The following PTPRB variants were observed in gnomAD, a reference collection of about 807,000 sequenced individuals.
PTPRB encodes protein tyrosine phosphatase receptor type B.
Under a neutral mutation model 238.1 loss-of-function variants are expected in PTPRB, and 97 were observed. The ratio of observed to expected loss-of-function variants is 0.41; its 90% confidence interval spans 0.35 to 0.48. PTPRB has a LOEUF of 0.48. Among genes scored for constraint, PTPRB ranks in the 20% least tolerant of loss-of-function variants. The pLI is 0.30. For missense variants in PTPRB, 2,292 were observed against 2,681.9 expected (o/e 0.85, Z 3.21); for synonymous variants, 970 against 995.4 (o/e 0.97, Z 0.48).
chr12:70,579,352 T>C (rs1881118843), intron 10 of PTPRB, among the ~76,000 whole-genome samples: 1 of 151,962 alleles, frequency 6.6e-6, no homozygotes, highest in African/African-American at 2.4e-5. Context: ...GCTACACCAA[T>C]GGATGGTGCC....
At chr12:70,573,533 A>G (rs1372676550) in intron 11 of PTPRB, among the ~76,000 whole-genome samples, 26 of 136,734 alleles carry the variant, frequency 1.9e-4, no homozygotes, top group African/African-American at 6.7e-4. Context: ...TTGAGACAGA[A>G]TCTCACTCTC....
Position 70,524,457 on chromosome 12 carries a change from A to G in PTPRB, c.6625+14T>C. On this transcript the variant is annotated intron_variant, in intron 33 of 33. Transcript: ENST00000334414. Reference sequence around the variant, plus strand: ...ATGAAGAAACTTGGGGAAGTAAGTGAAGTAAGTGCCCACCTCTGTGATACT... The same window carrying G: ...ATGAAGAAACTTGGGGAAGTAAGTGGAGTAAGTGCCCACCTCTGTGATACT... 1.3e-6 allele frequency: 2 copies of G among 1,589,630 alleles called. No individual in the cohort carries two copies. The highest frequency in any genetic ancestry group is 4.5e-5 in the East Asian group (2 of 44,104).
intron 1 of PTPRB, 118 bp downstream of exon 1, chr12:70,637,223 G>T (rs1885746005): frequency 1.5e-5 from 13 of 841,738 alleles, no homozygotes; most frequent in Middle Eastern, 3.0e-4. Flanking sequence ...CATCGTCTTT[G>T]GCTAAACTGC....
At chr12:70,527,647 A>C (rs931061104) in intron 32 of PTPRB, 2 of 152,168 alleles carry the variant, frequency 1.3e-5, no homozygotes, top group African/African-American at 4.8e-5. Flanking sequence ...ACACTCACAA[A>C]TCCCCTGACC....
chr12:70,557,437 C>T (rs1877865281), intron 18 of PTPRB, among the ~76,000 whole-genome samples: 2 of 152,310 alleles, frequency 1.3e-5, no homozygotes, highest in Admixed American at 6.5e-5. Flanking sequence ...CATAATCATT[C>T]CTCATGAAAC....
intron 4 of PTPRB, among the ~76,000 whole-genome samples, chr12:70,597,848 A>G (rs1883162952): frequency 6.6e-6 from 1 of 152,246 alleles, no homozygotes; most frequent in Non-Finnish European, 1.5e-5. Flanking sequence ...ACAACTCATA[A>G]GACTATGTAT....
intron 5 of PTPRB, 47 bp from the exon 6 acceptor site, chr12:70,594,771 T>C: frequency 1.3e-6 from 2 of 1,593,038 alleles, no homozygotes; most frequent in Non-Finnish European, 8.6e-7. Context: ...AATTCCCTTA[T>C]AGGAGACATA....
At chr12:70,629,706 T>A (rs983533056) in intron 2 of PTPRB, among the ~76,000 whole-genome samples, 21 of 151,914 alleles carry the variant, frequency 1.4e-4, no homozygotes, top group Non-Finnish European at 2.2e-4. Flanking sequence ...CTAACAAGAC[T>A]AATAAAGAAG....
intron 3 of PTPRB, among the ~76,000 whole-genome samples, chr12:70,618,087 C>CTTGTTTGTTTTTTGT (rs1039955017): frequency 6.6e-6 from 1 of 151,918 alleles, no homozygotes; most frequent in African/African-American, 2.4e-5. Flanking sequence ...AGCCAGTGTT[C>CTTGTTTGTTTTTTGT]TTGTTTGTTT....
chr12:70,531,425 C>T (rs945944300), intron 32 of PTPRB, among the ~76,000 whole-genome samples: 1 of 152,006 alleles, frequency 6.6e-6, no homozygotes, highest in Non-Finnish European at 1.5e-5. Flanking sequence ...TGCTTGGTCT[C>T]TATTGAGGAA....
In PTPRB at chr12:70,635,795, G is replaced by A. The variant is rs780645300; in HGVS notation, c.327C>T (p.Leu109=). Residue 109 remains leucine, a synonymous_variant, in exon 2 of 34, where the codon CTC becomes CTT. Transcript: ENST00000334414. ...CTCTGGAGCCTTGTTTCTGGAGAAA[G>A]AGAGAGGCATTTTCCACCTCAAGGA... is the stretch of plus-strand genomic sequence containing the variant. ...EGFLEVENAS[L]FLQKQGSRVV... 1.6e-5 allele frequency: 26 copies of A among 1,613,624 alleles called. No homozygotes were observed. In the East Asian group the frequency reaches 3.8e-4, roughly 24 times the overall value.
chr12:70,530,274 AGATGT>A (rs1467309596), intron 32 of PTPRB, among the ~76,000 whole-genome samples: 2 of 152,178 alleles, frequency 1.3e-5, no homozygotes, highest in African/African-American at 4.8e-5. Context: ...AGAAAGACAT[AGATGT>A]GATAATGACA....
intron 21 of PTPRB, 148 bp from the exon 22 acceptor site, chr12:70,544,811 G>T: frequency 4.0e-6 from 2 of 502,902 alleles, no homozygotes; most frequent in Non-Finnish European, 6.9e-6. Context: ...CTGGGTTCAT[G>T]CATTCATTCA....
intron 33 of PTPRB, among the ~76,000 whole-genome samples, chr12:70,522,943 A>G (rs1227482237): frequency 2.1e-5 from 3 of 144,466 alleles, no homozygotes; most frequent in Non-Finnish European, 4.5e-5. Context: ...GCTCACTGCA[A>G]CCTTCGCCTC....
At chr12:70,583,305 C>G (rs1592532325) in intron 9 of PTPRB, among the ~76,000 whole-genome samples, 1 of 152,068 alleles carries the variant, frequency 6.6e-6, no homozygotes, top group Non-Finnish European at 1.5e-5. Flanking sequence ...CTAATAAACA[C>G]AACTATACAT....
chr12:70,553,134 C>A, intron 20 of PTPRB, 114 bp from the exon 21 acceptor site: 1 of 1,247,276 alleles, frequency 8.0e-7, no homozygotes, highest in Non-Finnish European at 1.1e-6. Flanking sequence ...TGGCCATTTC[C>A]AAAGTACAGA....
At chr12:70,576,673 G>GA (rs975826106) in intron 10 of PTPRB, 28 bp from the exon 11 acceptor site, 1 of 273,386 alleles carries the variant, frequency 3.7e-6, no homozygotes, top group African/African-American at 3.2e-5. Context: ...GGGGGGCGGG[G>GA]GGGGGGGGGA....
intron 11 of PTPRB, among the ~76,000 whole-genome samples, chr12:70,574,956 T>C (rs975492718): frequency 6.6e-6 from 1 of 152,204 alleles, no homozygotes; most frequent in African/African-American, 2.4e-5. Flanking sequence ...AAGGGGTTGG[T>C]AGTTAGGTAA....
chr12:70,522,066 A>G (rs1462048336), intron 33 of PTPRB, among the ~76,000 whole-genome samples: 1 of 152,178 alleles, frequency 6.6e-6, no homozygotes. Context: ...TAATTATCTG[A>G]TTTACAAAGG....
Sources: allele counts gnomAD v4.1 joint callset (sites outside exome capture counted in the v4.1 genomes callset), GRCh38; gene constraint gnomAD v4.1.1; transcripts MANE v1.5; gene names NCBI Gene and HGNC (gene_info 2026-07-23, HGNC 2026-07-21).